PRSS3: variants seen among roughly 807,000 people sequenced by gnomAD.
The protein encoded by PRSS3 is serine protease 3, also known as trypsin-3.
Under a neutral mutation model 20.8 loss-of-function variants are expected in PRSS3, and 14 were observed. That is an observed-to-expected ratio of 0.67 (90% CI 0.44 to 1.05). The LOEUF is 1.05. PRSS3 is among the 50% of genes least tolerant of loss of function. PRSS3 has a pLI of 0.00. For missense variants in PRSS3, 237 were observed against 306.4 expected (o/e 0.77, Z 1.69); for synonymous variants, 91 against 117.6 (o/e 0.77, Z 1.46).
At chr9:33,761,273 A>C (rs1249023779) in intron 1 of PRSS3, among the ~76,000 whole-genome samples, 1 of 152,216 alleles carries the variant, frequency 6.6e-6, no homozygotes, top group Non-Finnish European at 1.5e-5. Context: ...GCAGATGCTG[A>C]AGGGAGTCTG....
At position 33,785,131 on chromosome 9, in the gene PRSS3, A is replaced by G. The variant is rs1457083403; in HGVS notation, c.-52-9615A>G. 4.0e-5 allele frequency among the ~76,000 whole-genome samples: 6 copies of G among 150,706 alleles called. No homozygotes were observed. The East Asian group carries it at 5.8e-4, about 15-fold the overall frequency. On this transcript the variant is annotated intron_variant, in intron 1 of 5. Coordinates refer to the PRSS3 transcript ENST00000342836. The stretch of plus-strand genomic sequence containing the variant: ...ACATGATACAAGAAATCAGCTTGAT[A>G]ATGGAAAAAGATCATAGCATTGTGG...
upstream of PRSS3, among the ~76,000 whole-genome samples, chr9:33,792,712 A>G (rs1355188151): frequency 6.6e-6 from 1 of 152,242 alleles, no homozygotes; most frequent in Non-Finnish European, 1.5e-5. Context: ...TCACCTGGAA[A>G]ATGGGCAATC....
At chr9:33,758,352 G>C (rs1266229465) in intron 1 of PRSS3, among the ~76,000 whole-genome samples, 2 of 152,122 alleles carry the variant, frequency 1.3e-5, no homozygotes, top group Non-Finnish European at 2.9e-5. Flanking sequence ...CTCCTGCTCT[G>C]GTCTCACTGG....
chr9:33,773,785 G>A (rs193189481), intron 1 of PRSS3, among the ~76,000 whole-genome samples: 61 of 152,040 alleles, frequency 4.0e-4, no homozygotes, highest in Non-Finnish European at 5.7e-4. Context: ...CTTGGACTAC[G>A]GCGTGCCCTT....
chr9:33,793,480 A>G (rs950856881), upstream of PRSS3, among the ~76,000 whole-genome samples: 4 of 152,232 alleles, frequency 2.6e-5, no homozygotes, highest in Non-Finnish European at 4.4e-5. Context: ...TGTCATCTAC[A>G]TGGCAGTCAT....
At chr9:33,776,014 A>G (rs925840521) in intron 1 of PRSS3, among the ~76,000 whole-genome samples, 1 of 152,190 alleles carries the variant, frequency 6.6e-6, no homozygotes. Context: ...TCAGAGAATT[A>G]AAGAAAACTG....
rs537830184 is a variant in PRSS3 at position 33,778,562 on chromosome 9, A to C, written c.-52-16184A>C. On this transcript the variant is annotated intron_variant, in intron 1 of 5. Transcript: ENST00000342836. ...CTAATGGTAAACAATTGGATAATTC[A>C]ATTTTAAAACCTAAATTTATATTAA... 1.8e-4 allele frequency among the ~76,000 whole-genome samples: 28 copies of C among 152,350 alleles called. 1 individual carries two copies. Among genetic ancestry groups the C allele is most frequent in the African/African-American group, 6.3e-4 (26 of 41,592 alleles).
upstream of PRSS3, among the ~76,000 whole-genome samples, chr9:33,791,953 G>A (rs933416167): frequency 7.2e-5 from 11 of 152,054 alleles, no homozygotes; most frequent in African/African-American, 2.7e-4. Flanking sequence ...GCAAGAGGAG[G>A]GGCAGGAGGC....
chr9:33,766,456 C>A (rs1244055157), intron 1 of PRSS3, among the ~76,000 whole-genome samples: 1 of 148,104 alleles, frequency 6.8e-6, no homozygotes, highest in Non-Finnish European at 1.5e-5. Context: ...GCCTGTAGTC[C>A]CAGCTACTCG....
At chr9:33,792,473 T>C (rs754432070), upstream of PRSS3, among the ~76,000 whole-genome samples, 2 of 152,272 alleles carry the variant, frequency 1.3e-5, no homozygotes, top group Non-Finnish European at 2.9e-5. Context: ...AGAAGTCATT[T>C]GAACTCTGAG....
intron 1 of PRSS3, among the ~76,000 whole-genome samples, chr9:33,781,780 G>T (rs1489946749): frequency 6.6e-6 from 1 of 152,190 alleles, no homozygotes; most frequent in Non-Finnish European, 1.5e-5. Context: ...ATTCTAGAAG[G>T]TATATGAACA....
At chr9:33,770,637 G>A (rs1823643929) in intron 1 of PRSS3, among the ~76,000 whole-genome samples, 1 of 152,168 alleles carries the variant, frequency 6.6e-6, no homozygotes, top group Admixed American at 6.5e-5. Context: ...TCATTAGGGT[G>A]GGGCCCAAAT....
intron 1 of PRSS3, among the ~76,000 whole-genome samples, chr9:33,796,393 C>A (rs2119120300): frequency 6.6e-6 from 1 of 152,314 alleles, no homozygotes; most frequent in East Asian, 1.9e-4. Flanking sequence ...GAGGACATTC[C>A]TTGCATCCTC....
At position 33,751,265 on chromosome 9, in the gene PRSS3, A is replaced by G. The variant is rs1822684456; in HGVS notation, c.-53+538A>G. Among the ~76,000 whole-genome samples, 13 of 152,116 alleles carry G rather than the reference A, an allele frequency of 8.5e-5. No individual in the cohort carries two copies. The South Asian group carries it at 2.7e-3, about 32-fold the overall frequency. On this transcript the variant is annotated intron_variant, in intron 1 of 5. Transcript: ENST00000342836. ...CTTGTTAGCTGCGATACACAAATAC[A>G]TGAGCCAGATCCTTTCCTGAGGCCA...
At chr9:33,766,961 G>A (rs961912640) in intron 1 of PRSS3, among the ~76,000 whole-genome samples, 22 of 130,164 alleles carry the variant, frequency 1.7e-4, no homozygotes, top group African/African-American at 6.0e-4. Context: ...TTACATGGTG[G>A]ATTTTTTTTT....
At chr9:33,790,360 C>A (rs941786882) in intron 1 of PRSS3, among the ~76,000 whole-genome samples, 1 of 152,140 alleles carries the variant, frequency 6.6e-6, no homozygotes, top group Non-Finnish European at 1.5e-5. Flanking sequence ...ACACTGATGA[C>A]CATCCTTCAT....
chr9:33,776,202 GTGA>G (rs1385561823), intron 1 of PRSS3, among the ~76,000 whole-genome samples: 1 of 152,144 alleles, frequency 6.6e-6, no homozygotes, highest in Non-Finnish European at 1.5e-5. Context: ...GGAAGAACCA[GTGA>G]ACATGAAAAT....
At chr9:33,778,818 A>C (rs1046198384) in intron 1 of PRSS3, among the ~76,000 whole-genome samples, 1 of 152,032 alleles carries the variant, frequency 6.6e-6, no homozygotes, top group African/African-American at 2.4e-5. Flanking sequence ...CTAGGAGCAA[A>C]CCTTGTGAGG....
chr9:33,798,442 C>T, intron 3 of PRSS3, 44 bp from the exon 4 acceptor site: 1 of 1,516,232 alleles, frequency 6.6e-7, no homozygotes, highest in South Asian at 1.1e-5. Context: ...TCTCTGGCCT[C>T]ACCCACATTT....
Sources: gnomAD v4.1 joint callset for allele counts (sites outside exome capture counted in the v4.1 genomes callset) on GRCh38, gnomAD v4.1.1 for gene constraint, MANE v1.5 for transcripts, NCBI Gene and HGNC (gene_info 2026-07-23, HGNC 2026-07-21) for gene names.